The following EFCAB8 variants were observed in gnomAD, a reference collection of about 807,000 sequenced individuals.
EFCAB8 encodes EF-hand calcium binding domain 8.
Under a neutral mutation model 116.3 loss-of-function variants are expected in EFCAB8, and 100 were observed. The observed-to-expected ratio is 0.86, with a 90% CI of 0.73 to 1.02. The LOEUF (loss-of-function observed/expected upper bound fraction) is 1.02, where lower values mean the gene tolerates loss of function less well. EFCAB8 is among the 50% of genes least tolerant of loss of function. The pLI is 0.00. For missense variants in EFCAB8, 1,320 were observed against 1,416.9 expected (o/e 0.93, Z 1.10); for synonymous variants, 558 against 567.9 (o/e 0.98, Z 0.25).
chr20:32,927,618 T>C (rs1987724495), intron 20 of EFCAB8, among the ~76,000 whole-genome samples: 1 of 152,234 alleles, frequency 6.6e-6, no homozygotes, highest in African/African-American at 2.4e-5. Context: ...ATGCTGGGAT[T>C]AGAGGCGAGA....
Position 32,885,492 on chromosome 20 carries a change from TCGC to T in EFCAB8, c.432-11_432-9del. On this transcript the variant is annotated splice_polypyrimidine_tract_variant and intron_variant, in intron 5 of 26. Transcript: ENST00000400522. ...TTTGCTTGGGCTCTTCTCTCTTTCA[TCGC>T]CTCCCACAGGAACCATGGCTGTGAG... 1 of 1,551,622 alleles carries T rather than the reference TCGC, an allele frequency of 6.4e-7. No homozygotes were observed. The highest frequency in any genetic ancestry group is 8.7e-7 in the Non-Finnish European group (1 of 1,146,910).
chr20:32,867,774 TTG>T, intron 3 of EFCAB8, 27 bp downstream of exon 3: 1 of 1,547,008 alleles, frequency 6.5e-7, no homozygotes, highest in Non-Finnish European at 8.7e-7. Flanking sequence ...GGCTCGGTTT[TTG>T]TGTGAGTTCT....
intron 23 of EFCAB8, among the ~76,000 whole-genome samples, chr20:32,947,903 T>TAAAAAAAAAAAAAAAAAAAAAAAA: frequency 9.9e-6 from 1 of 100,826 alleles, no homozygotes; most frequent in South Asian, 3.1e-4. Context: ...CCATCTCAAT[T>TAAAAAAAAAAAAAAAAAAAAAAAA]AAAAAAAAAA....
At chr20:32,920,757 A>G (rs1987412559) in intron 20 of EFCAB8, among the ~76,000 whole-genome samples, 1 of 152,070 alleles carries the variant, frequency 6.6e-6, no homozygotes, top group African/African-American at 2.4e-5. Context: ...CAGCCAAACC[A>G]TATCAGCTCC....
At position 32,935,327 on chromosome 20, in the gene EFCAB8, A is replaced by T. The variant is rs368555385; in HGVS notation, c.2790+3991A>T. ...GCAATTCTCCCGCCTCAGCCTCCTG[A>T]GTAGCTGTGATTACAGGCACAGGCT... On this transcript the variant is annotated intron_variant, in intron 22 of 26. Coordinates refer to ENST00000400522, the MANE Select transcript of EFCAB8 (RefSeq NM_001143967.2). Among the ~76,000 whole-genome samples, 303 of 149,132 alleles carry T rather than the reference A, an allele frequency of 2.0e-3. 3 individuals carry two copies. The South Asian group carries it at 0.025, about 12-fold the overall frequency.
In EFCAB8 at chr20:32,911,584, C is replaced by A. The variant is rs181994580; in HGVS notation, c.1662C>A (p.Thr554=). The change falls in exon 16 of 27, where the codon ACC becomes ACA. Residue 554 remains threonine, a synonymous_variant. Transcript: ENST00000400522. ...AVSGGQHVEM[T]AMALDESERC... ...CTGGGGGCCAGCACGTGGAGATGAC[C>A]GCCATGGCCCTGGATGAGTCAGAGC... The A allele has an allele frequency of 1.3e-6, 2 of 1,548,506 alleles. No homozygotes were observed. Among genetic ancestry groups the A allele is most frequent in the Non-Finnish European group, 1.7e-6 (2 of 1,144,782 alleles).
At chr20:32,887,247 T>C (rs1985678526) in intron 6 of EFCAB8, among the ~76,000 whole-genome samples, 1 of 152,242 alleles carries the variant, frequency 6.6e-6, no homozygotes, top group Non-Finnish European at 1.5e-5. Context: ...TTCTTTCTGC[T>C]TTCTTCAGTT....
chr20:32,870,781 C>T (rs557537543), intron 3 of EFCAB8, among the ~76,000 whole-genome samples: 35 of 152,220 alleles, frequency 2.3e-4, no homozygotes, highest in African/African-American at 5.1e-4. Flanking sequence ...GGATTACAAG[C>T]GTTAGCCACT....
chr20:32,936,465 T>C (rs1296307306), intron 22 of EFCAB8, among the ~76,000 whole-genome samples: 2 of 152,226 alleles, frequency 1.3e-5, no homozygotes, highest in African/African-American at 2.4e-5. Flanking sequence ...TTTAAGACTT[T>C]AATCCATTTT....
At chr20:32,939,152 TTTCTTTCTTTC>T (rs1988270872) in intron 22 of EFCAB8, among the ~76,000 whole-genome samples, 2 of 80,430 alleles carry the variant, frequency 2.5e-5, no homozygotes, top group Admixed American at 2.2e-4. Flanking sequence ...TCTTTCTTTC[TTTCTTTCTTTC>T]TTTCTTTCTT....
rs1403723690 is a variant in EFCAB8 at position 32,955,158 on chromosome 20, T to G, written c.2960-3263T>G. On this transcript the variant is annotated intron_variant, in intron 23 of 26. Transcript: ENST00000400522. ...CTTAAGGCAGGCCCCTCCCTCCCCC[T>G]AAAGCCAAACCCAGATCTTATCCTA... is the stretch of plus-strand genomic sequence containing the variant. Among the ~76,000 whole-genome samples the G allele has an allele frequency of 2.0e-5, 3 of 152,142 alleles. No homozygotes were observed. In the East Asian group the frequency reaches 5.8e-4, roughly 29 times the overall value.
At chr20:32,949,062 A>C (rs186275349) in intron 23 of EFCAB8, among the ~76,000 whole-genome samples, 1 of 152,298 alleles carries the variant, frequency 6.6e-6, no homozygotes, top group African/African-American at 2.4e-5. Flanking sequence ...TAGTTGACTA[A>C]TTGTCTATGT....
At chr20:32,930,712 T>A in intron 21 of EFCAB8, 96 bp downstream of exon 21, 1 of 1,173,744 alleles carries the variant, frequency 8.5e-7, no homozygotes, top group Non-Finnish European at 1.2e-6. Flanking sequence ...TCCTACTCTG[T>A]CTGGGTACTG....
intron 5 of EFCAB8, among the ~76,000 whole-genome samples, chr20:32,884,897 C>T (rs1985531668): frequency 6.6e-6 from 1 of 152,168 alleles, no homozygotes; most frequent in Admixed American, 6.5e-5. Context: ...GGGAAGCAAC[C>T]CACAGAGGGG....
intron 17 of EFCAB8, among the ~76,000 whole-genome samples, chr20:32,915,445 A>G (rs1987141788): frequency 6.6e-6 from 1 of 152,162 alleles, no homozygotes; most frequent in Non-Finnish European, 1.5e-5. Flanking sequence ...TTCCGATAAC[A>G]TGTTTCTCAT....
chr20:32,888,465 G>T (rs1985746077), intron 6 of EFCAB8, among the ~76,000 whole-genome samples: 1 of 151,946 alleles, frequency 6.6e-6, no homozygotes, highest in Non-Finnish European at 1.5e-5. Context: ...CTAGTGATCT[G>T]CCCACCTTGG....
At chr20:32,909,992 C>A in intron 15 of EFCAB8, 61 bp downstream of exon 15, 1 of 854,262 alleles carries the variant, frequency 1.2e-6, no homozygotes, top group Non-Finnish European at 1.6e-6. Flanking sequence ...CGGGGCAGAA[C>A]CAGACCTCCC....
rs1350178707 is a variant in EFCAB8 at position 32,908,385 on chromosome 20, C to A, written c.1419C>A (p.Asp473Glu). The A allele has an allele frequency of 1.8e-5, 22 of 1,250,008 alleles. 1 individual carries two copies. The Middle Eastern group carries it at 1.2e-3, about 70-fold the overall frequency. The allele number at this position is 1,250,008 out of a possible 1,614,324, so 77.4% of individuals were successfully genotyped here. Residue 473 changes from aspartate to glutamate, a missense_variant, in exon 14 of 27, where the codon GAC becomes GAA. Physicochemically the swap from Asp to Glu is conservative, Grantham distance 45. Coordinates refer to ENST00000400522, the MANE Select transcript of EFCAB8 (RefSeq NM_001143967.2). The stretch of plus-strand genomic sequence containing the variant: ...CCAGTGCCTACTTCTTCGAGAAGGA[C>A]AATACCCTCATCTGCAGCACCTACT... ...PITSAYFFEKDNTLICSTYSI... is the reference protein window; with the variant it reads ...PITSAYFFEKENTLICSTYSI...
intron 9 of EFCAB8, among the ~76,000 whole-genome samples, chr20:32,895,357 C>T (rs1367892059): frequency 7.1e-6 from 1 of 140,724 alleles, no homozygotes; most frequent in Non-Finnish European, 1.5e-5. Context: ...CAAGGTCATA[C>T]TCTGTTGCCC....
Sources: allele counts gnomAD v4.1 joint callset (sites outside exome capture counted in the v4.1 genomes callset), GRCh38; gene constraint gnomAD v4.1.1; transcripts MANE v1.5; gene names NCBI Gene and HGNC (gene_info 2026-07-23, HGNC 2026-07-21).